The following EPB41L2 variants were observed in gnomAD, a reference collection of about 807,000 sequenced individuals.
EPB41L2 encodes band 4.1-like protein 2.
In EPB41L2, 43 loss-of-function variants were observed where a neutral mutation model predicts 113.0. That is an observed-to-expected ratio of 0.38 (90% CI 0.30 to 0.49). The LOEUF is 0.49. EPB41L2 is among the 20% of genes least tolerant of loss of function. EPB41L2 has a pLI of 0.95. For synonymous variants in EPB41L2, 442 were observed against 436.7 expected (o/e 1.01, Z -0.15); for missense variants, 1,147 against 1,223.4 (o/e 0.94, Z 0.93).
At chr6:131,056,673 T>C (rs545755081) in intron 1 of EPB41L2, among the ~76,000 whole-genome samples, 1 of 152,362 alleles carries the variant, frequency 6.6e-6, no homozygotes, top group Admixed American at 6.5e-5. Flanking sequence ...CCAGGCACTC[T>C]ATGAAGCATT....
At chr6:130,887,775 C>T (rs1327622446) in intron 11 of EPB41L2, among the ~76,000 whole-genome samples, 1 of 152,198 alleles carries the variant, frequency 6.6e-6, no homozygotes, top group Non-Finnish European at 1.5e-5. Context: ...CCTGATGATC[C>T]TATTTAAGTA....
At chr6:131,020,211 C>A (rs1017849388) in intron 1 of EPB41L2, among the ~76,000 whole-genome samples, 1 of 152,010 alleles carries the variant, frequency 6.6e-6, no homozygotes, top group African/African-American at 2.4e-5. Flanking sequence ...TCCCACCCTG[C>A]CCAAGAATTA....
At chr6:130,912,970 C>A (rs1799884245) in intron 4 of EPB41L2, among the ~76,000 whole-genome samples, 1 of 152,114 alleles carries the variant, frequency 6.6e-6, no homozygotes, top group Admixed American at 6.5e-5. Flanking sequence ...CCTTCCAAAT[C>A]CCCAATTTCA....
chr6:130,869,545 C>G lies in EPB41L2; in HGVS notation c.2607+18G>C, dbSNP rs755083554. 2 of 1,608,022 alleles carry G rather than the reference C, an allele frequency of 1.2e-6. No homozygotes were observed. The highest frequency in any genetic ancestry group is 8.5e-7 in the Non-Finnish European group (1 of 1,176,392). ...AAGCAGCTCTAGAGTTTGGCTCCCA[C>G]CTGGGACTCCCATTTACCTCTGAAC... On this transcript the variant is annotated intron_variant, in intron 15 of 19. Coordinates refer to ENST00000337057, the MANE Select transcript of EPB41L2 (RefSeq NM_001431.4).
chr6:130,937,833 A>AAAAAG (rs552248781), intron 3 of EPB41L2, among the ~76,000 whole-genome samples: 2,432 of 150,460 alleles, frequency 0.016, 74 homozygotes, highest in African/African-American at 0.047. Flanking sequence ...AAAAAAAAAA[A>AAAAAG]AAGATTAACA....
chr6:131,060,910 G>T (rs1485161006), intron 1 of EPB41L2, among the ~76,000 whole-genome samples: 1 of 152,060 alleles, frequency 6.6e-6, no homozygotes, highest in African/African-American at 2.4e-5. Flanking sequence ...ATGCTCCCTG[G>T]CAGTTTACAT....
intron 3 of EPB41L2, among the ~76,000 whole-genome samples, chr6:130,948,443 A>G (rs1334290634): frequency 6.6e-6 from 1 of 152,214 alleles, no homozygotes; most frequent in Non-Finnish European, 1.5e-5. Flanking sequence ...AGTGATTAGC[A>G]TTAGACTTTA....
intron 1 of EPB41L2, among the ~76,000 whole-genome samples, chr6:131,000,150 G>A (rs1391711878): frequency 1.8e-4 from 21 of 119,868 alleles, no homozygotes; most frequent in Admixed American, 1.7e-3. Context: ...TGGAATAGTG[G>A]CTTTTTAAAA....
chr6:130,849,437 C>T (rs1057184455), intron 19 of EPB41L2, among the ~76,000 whole-genome samples: 4 of 152,110 alleles, frequency 2.6e-5, no homozygotes, highest in Non-Finnish European at 2.9e-5. Flanking sequence ...GAAAATGTAG[C>T]ATTTGTGACT....
Position 131,063,179 on chromosome 6 carries a change from C to T in EPB41L2, c.-39G>A. 1 of 153,586 alleles carries T rather than the reference C, an allele frequency of 6.5e-6. No individual in the cohort carries two copies. The highest frequency in any genetic ancestry group is 1.4e-5 in the Non-Finnish European group (1 of 69,158). The allele number at this position is 153,586 out of a possible 1,614,324, so 9.5% of individuals were successfully genotyped here. On this transcript the variant is annotated 5_prime_UTR_variant, in exon 1 of 20. Coordinates refer to ENST00000337057, the MANE Select transcript of EPB41L2 (RefSeq NM_001431.4). ...CCTCAGGAGCTCGCTCGCCGCGGGACCCGTCCCTCTTCAGTCCCAGCCGCC... is the reference window on the plus strand; with the variant it reads ...CCTCAGGAGCTCGCTCGCCGCGGGATCCGTCCCTCTTCAGTCCCAGCCGCC...
At chr6:130,926,099 T>A (rs1244456080) in intron 4 of EPB41L2, among the ~76,000 whole-genome samples, 4 of 152,212 alleles carry the variant, frequency 2.6e-5, no homozygotes, top group Non-Finnish European at 2.9e-5. Context: ...GAGTAATCCC[T>A]TTCACTGTGA....
intron 1 of EPB41L2, among the ~76,000 whole-genome samples, chr6:130,995,330 G>GA (rs1366006334): frequency 1.3e-5 from 2 of 151,646 alleles, no homozygotes; most frequent in East Asian, 3.9e-4. Context: ...GCGAGACTCC[G>GA]TCTCAAAAAA....
intron 7 of EPB41L2, among the ~76,000 whole-genome samples, chr6:130,900,161 G>T (rs868156364): frequency 6.6e-6 from 1 of 152,052 alleles, no homozygotes; most frequent in Admixed American, 6.6e-5. Context: ...TTTCACATCA[G>T]AATTATACAA....
At chr6:130,938,428 G>T (rs543951593) in intron 3 of EPB41L2, among the ~76,000 whole-genome samples, 2 of 152,224 alleles carry the variant, frequency 1.3e-5, no homozygotes, top group South Asian at 2.1e-4. Flanking sequence ...GAGGGAGGGG[G>T]ACCTGGCTGG....
chr6:130,910,830 T>C (rs1458791142), intron 4 of EPB41L2, among the ~76,000 whole-genome samples: 1 of 152,170 alleles, frequency 6.6e-6, no homozygotes, highest in Non-Finnish European at 1.5e-5. Flanking sequence ...TGAGACACCA[T>C]CTCACGCCAG....
chr6:131,017,703 G>A (rs1788546496), intron 1 of EPB41L2, among the ~76,000 whole-genome samples: 1 of 152,142 alleles, frequency 6.6e-6, no homozygotes, highest in South Asian at 2.1e-4. Context: ...TTCATACCTA[G>A]TGCAATTGCT....
At chr6:131,022,668 A>C (rs762710137) in intron 1 of EPB41L2, among the ~76,000 whole-genome samples, 2 of 152,222 alleles carry the variant, frequency 1.3e-5, no homozygotes, top group Non-Finnish European at 2.9e-5. Context: ...CACTCTAGTT[A>C]TATCACTGTG....
chr6:130,993,454 A>G (rs1262293559), intron 1 of EPB41L2, among the ~76,000 whole-genome samples: 2 of 152,236 alleles, frequency 1.3e-5, no homozygotes, highest in African/African-American at 4.8e-5. Flanking sequence ...GGCGGTGTGT[A>G]GCAACACACT....
intron 1 of EPB41L2, among the ~76,000 whole-genome samples, chr6:130,984,901 G>A (rs1288205375): frequency 6.6e-6 from 1 of 152,218 alleles, no homozygotes; most frequent in Non-Finnish European, 1.5e-5. Context: ...CTCTGAAAGG[G>A]AGAATGAATT....
Sources: allele counts gnomAD v4.1 joint callset (sites outside exome capture counted in the v4.1 genomes callset), GRCh38; gene constraint gnomAD v4.1.1; transcripts MANE v1.5; gene names NCBI Gene and HGNC (gene_info 2026-07-23, HGNC 2026-07-21).